ABL1: variants seen among roughly 807,000 people sequenced by gnomAD.
ABL1 encodes tyrosine-protein kinase ABL1.
A neutral mutation model predicts 94.7 loss-of-function variants in ABL1; 11 were observed. The ratio of observed to expected loss-of-function variants is 0.12; its 90% CI spans 0.07 to 0.19. ABL1 has a LOEUF of 0.19. Among genes scored for constraint, ABL1 ranks in the 10% least tolerant of loss-of-function variants. The pLI is 1.00. For synonymous variants in ABL1, 656 were observed against 622.4 expected (o/e 1.05, Z -0.80); for missense variants, 1,082 against 1,489.4 (o/e 0.73, Z 4.50).
At chr9:130,823,519 C>T (rs987121831) in intron 1 of ABL1, among the ~76,000 whole-genome samples, 5 of 152,120 alleles carry the variant, frequency 3.3e-5, no homozygotes, top group African/African-American at 1.2e-4. Context: ...TGGAGGGGCA[C>T]GATGGCTCCT....
intron 1 of ABL1, among the ~76,000 whole-genome samples, chr9:130,766,386 A>T (rs1168276378): frequency 6.6e-6 from 1 of 152,136 alleles, no homozygotes; most frequent in Non-Finnish European, 1.5e-5. Flanking sequence ...AGTGGTAAAC[A>T]TGCAGTGAAG....
Position 130,840,877 on chromosome 9 carries a change from T to A in ABL1, c.79+5352T>A, listed in dbSNP as rs113164325. On this transcript the variant is annotated intron_variant, in intron 1 of 10. Transcript: ENST00000318560. ...CTCCCATGTACTTATGATGTGGCTT[T>A]AACAATTATCAGCTTATAGTCAGTC... is the stretch of plus-strand genomic sequence containing the variant. Among the ~76,000 whole-genome samples the A allele has an allele frequency of 6.8e-3, 1,039 of 152,318 alleles. 17 individuals are homozygous for A. The highest frequency in any genetic ancestry group is 0.024 in the African/African-American group (987 of 41,568).
At chr9:130,765,218 G>A (rs1026831233) in intron 1 of ABL1, among the ~76,000 whole-genome samples, 7 of 152,142 alleles carry the variant, frequency 4.6e-5, no homozygotes, top group African/African-American at 1.4e-4. Flanking sequence ...TTTGGGCGAG[G>A]AGGTCCATAT....
intron 1 of ABL1, among the ~76,000 whole-genome samples, chr9:130,772,248 C>T (rs529363857): frequency 6.6e-6 from 1 of 152,182 alleles, no homozygotes; most frequent in African/African-American, 2.4e-5. Context: ...TCACCTGCAT[C>T]TTTGGTAGAG....
chr9:130,834,282 T>C (rs986347365), upstream of ABL1, among the ~76,000 whole-genome samples: 2 of 152,246 alleles, frequency 1.3e-5, no homozygotes, highest in African/African-American at 4.8e-5. Flanking sequence ...CTTTACAGTT[T>C]TGTGATTAAC....
intron 1 of ABL1, among the ~76,000 whole-genome samples, chr9:130,736,216 T>C (rs1055839061): frequency 5.3e-5 from 8 of 151,774 alleles, no homozygotes; most frequent in Non-Finnish European, 1.0e-4. Flanking sequence ...TTCCAGAGTG[T>C]TGGGATTATA....
At chr9:130,754,462 C>T (rs1409149842) in intron 1 of ABL1, among the ~76,000 whole-genome samples, 7 of 137,778 alleles carry the variant, frequency 5.1e-5, no homozygotes, top group Non-Finnish European at 7.5e-5. Context: ...GAGCCGAGAT[C>T]GTGCCACTGC....
chr9:130,735,008 A>G (rs1252068851), intron 1 of ABL1, among the ~76,000 whole-genome samples: 4 of 152,052 alleles, frequency 2.6e-5, no homozygotes, highest in African/African-American at 9.7e-5. Flanking sequence ...TTTACGATTT[A>G]TTTTAAAATT....
rs930386470 is a variant in ABL1 at position 130,862,570 on chromosome 9, C to A, written c.550-193C>A. The stretch of plus-strand genomic sequence containing the variant: ...TGAGGCCTTTTATTGTGTCTTTTTG[C>A]TTGAGCGAGTAACTTAGAGCACACG... On this transcript the variant is annotated intron_variant, in intron 3 of 10. Coordinates refer to ENST00000318560, the MANE Select transcript of ABL1 (RefSeq NM_005157.6). The surrounding 1 kb of genome is among the most constrained non-coding windows in gnomAD (Gnocchi z 5.5). 2.0e-5 allele frequency among the ~76,000 whole-genome samples: 3 copies of A among 152,126 alleles called. No individual in the cohort carries two copies. The highest frequency in any genetic ancestry group is 7.2e-5 in the African/African-American group (3 of 41,410).
At position 130,878,411 on chromosome 9, in the gene ABL1, T is replaced by C. The variant is rs1410795157; in HGVS notation, c.1271-4T>C. 6.2e-7 allele frequency: 1 copy of C among 1,613,550 alleles called. No homozygotes were observed. Among genetic ancestry groups the C allele is most frequent in the East Asian group, 2.2e-5 (1 of 44,894 alleles). On this transcript the variant is annotated splice_region_variant and splice_polypyrimidine_tract_variant and intron_variant, in intron 7 of 10. Transcript: ENST00000318560. Reference sequence around the variant, plus strand: ...ACAGCCTTTCTCTTTCGGTTTTCTTTCAGCATTTGGAGTATTGCTTTGGGA... The same window carrying C: ...ACAGCCTTTCTCTTTCGGTTTTCTTCCAGCATTTGGAGTATTGCTTTGGGA...
intron 1 of ABL1, among the ~76,000 whole-genome samples, chr9:130,846,324 G>T (rs902514969): frequency 6.6e-6 from 1 of 152,148 alleles, no homozygotes; most frequent in Non-Finnish European, 1.5e-5. Flanking sequence ...CCGCTGGAAC[G>T]GAGTATGAAA....
chr9:130,769,278 G>A (rs1216465470), intron 1 of ABL1, among the ~76,000 whole-genome samples: 1 of 150,752 alleles, frequency 6.6e-6, no homozygotes, highest in Non-Finnish European at 1.5e-5. Flanking sequence ...TAACTTTTAT[G>A]GAATGCAACT....
At chr9:130,766,728 A>G (rs1047318558) in intron 1 of ABL1, among the ~76,000 whole-genome samples, 2 of 151,740 alleles carry the variant, frequency 1.3e-5, no homozygotes, top group Non-Finnish European at 2.9e-5. Flanking sequence ...TAAACCTCAC[A>G]CCACCCACTG....
intron 1 of ABL1, among the ~76,000 whole-genome samples, chr9:130,732,717 G>T (rs1456369931): frequency 2.0e-5 from 3 of 151,756 alleles, no homozygotes; most frequent in African/African-American, 7.3e-5. Flanking sequence ...AAATCCCGGG[G>T]GTCTGGTGGA....
At chr9:130,791,201 T>C (rs1400542020) in intron 1 of ABL1, among the ~76,000 whole-genome samples, 1 of 152,056 alleles carries the variant, frequency 6.6e-6, no homozygotes, top group East Asian at 1.9e-4. Flanking sequence ...ACAATTCATA[T>C]GCCAGCTGGC....
At chr9:130,732,109 A>G (rs938562503) in intron 1 of ABL1, among the ~76,000 whole-genome samples, 1 of 151,904 alleles carries the variant, frequency 6.6e-6, no homozygotes, top group Admixed American at 6.6e-5. Flanking sequence ...TGGATCGAAC[A>G]GTATTTTTTT....
intron 1 of ABL1, among the ~76,000 whole-genome samples, chr9:130,742,691 A>G (rs1217905804): frequency 2.6e-5 from 4 of 152,362 alleles, no homozygotes; most frequent in Middle Eastern, 3.4e-3. Flanking sequence ...GGTTCCCATT[A>G]TATAGAGTAA....
intron 1 of ABL1, among the ~76,000 whole-genome samples, chr9:130,768,688 T>G (rs1015131028): frequency 1.3e-5 from 2 of 152,218 alleles, no homozygotes; most frequent in Non-Finnish European, 2.9e-5. Flanking sequence ...AACGAATTAG[T>G]GCATCCTTCC....
intron 1 of ABL1, among the ~76,000 whole-genome samples, chr9:130,808,214 T>TTTC (rs372530078): frequency 0.029 from 4,211 of 142,910 alleles, 101 homozygotes; most frequent in South Asian, 0.089. Flanking sequence ...CCTAATTTCT[T>TTTC]TTCTTCTTCT....
Sources: allele counts gnomAD v4.1 joint callset (sites outside exome capture counted in the v4.1 genomes callset), GRCh38; gene constraint gnomAD v4.1.1; non-coding constraint Gnocchi (gnomAD v3.1); transcripts MANE v1.5; gene names NCBI Gene and HGNC (gene_info 2026-07-23, HGNC 2026-07-21).